The following GABRB1 variants were observed in gnomAD, a reference collection of about 807,000 sequenced individuals.
GABRB1 encodes gamma-aminobutyric acid receptor subunit beta-1.
Under a neutral mutation model 51.6 loss-of-function variants are expected in GABRB1, and 17 were observed. The ratio of observed to expected loss-of-function variants is 0.33; its 90% CI spans 0.23 to 0.49. The LOEUF (loss-of-function observed/expected upper bound fraction) is 0.49, where lower values mean the gene tolerates loss of function less well. Ranked by LOEUF, GABRB1 falls within the 20% of genes least tolerant of loss-of-function variation. The pLI, the probability that GABRB1 is intolerant of heterozygous loss-of-function variation, is 0.99. For missense variants in GABRB1, 410 were observed against 600.6 expected (o/e 0.68, Z 3.32); for synonymous variants, 247 against 218.9 (o/e 1.13, Z -1.14).
chr4:47,067,101 T>C (rs780002316), intron 3 of GABRB1, among the ~76,000 whole-genome samples: 1 of 152,228 alleles, frequency 6.6e-6, no homozygotes, highest in Non-Finnish European at 1.5e-5. Flanking sequence ...AGGTACATTG[T>C]TAATGAACAG....
At chr4:47,020,067 T>C (rs1724886011) in intron 1 of GABRB1, among the ~76,000 whole-genome samples, 3 of 152,040 alleles carry the variant, frequency 2.0e-5, no homozygotes, top group Admixed American at 6.6e-5. Flanking sequence ...ATTACAGGCA[T>C]GAGCCACTGT....
intron 4 of GABRB1, among the ~76,000 whole-genome samples, chr4:47,308,654 A>C (rs1223650559): frequency 6.6e-6 from 1 of 152,112 alleles, no homozygotes; most frequent in Non-Finnish European, 1.5e-5. Context: ...AAAGCAATAG[A>C]ATTGGTTTGC....
chr4:47,153,400 A>G (rs1717549946), intron 3 of GABRB1, among the ~76,000 whole-genome samples: 1 of 152,088 alleles, frequency 6.6e-6, no homozygotes, highest in South Asian at 2.1e-4. Context: ...CTTGAATGTA[A>G]GCCATTTAGG....
chr4:47,311,173 C>G (rs572314802), intron 4 of GABRB1, among the ~76,000 whole-genome samples: 1 of 151,408 alleles, frequency 6.6e-6, no homozygotes, highest in African/African-American at 2.4e-5. Context: ...GCGGGTGGAT[C>G]ATTTGAGGTC....
At chr4:47,122,088 C>T (rs1490526426) in intron 3 of GABRB1, among the ~76,000 whole-genome samples, 2 of 152,124 alleles carry the variant, frequency 1.3e-5, no homozygotes, top group African/African-American at 2.4e-5. Flanking sequence ...TAGAGCAGAG[C>T]TTCTGGGAAA....
At chr4:47,034,496 A>G (rs1276594909) in intron 3 of GABRB1, among the ~76,000 whole-genome samples, 1 of 152,200 alleles carries the variant, frequency 6.6e-6, no homozygotes, top group Non-Finnish European at 1.5e-5. Context: ...CACCCAGCTG[A>G]TAAGCCTTTG....
At chr4:47,243,678 GCTCT>G (rs1207034875) in intron 4 of GABRB1, among the ~76,000 whole-genome samples, 2 of 151,988 alleles carry the variant, frequency 1.3e-5, no homozygotes, top group East Asian at 1.9e-4. Context: ...TCATGATTTG[GCTCT>G]CTATCTGTTA....
At chr4:47,201,906 A>G (rs1442490328) in intron 4 of GABRB1, among the ~76,000 whole-genome samples, 3 of 152,098 alleles carry the variant, frequency 2.0e-5, no homozygotes, top group Non-Finnish European at 4.4e-5. Flanking sequence ...AAATTAATTG[A>G]TATAAAAAAG....
Position 47,362,090 on chromosome 4 carries a change from G to A in GABRB1, c.545-41228G>A, listed in dbSNP as rs565905181. ...CAAAGAATTGTGACAAGGAGCTTCC[G>A]TATAAATAGCAGGATGACTAGGAGA... On this transcript the variant is annotated intron_variant, in intron 5 of 8. Transcript: ENST00000295454. 1.4e-4 allele frequency among the ~76,000 whole-genome samples: 22 copies of A among 152,240 alleles called. No individual in the cohort carries two copies. The South Asian group carries it at 1.9e-3, about 13-fold the overall frequency.
chr4:47,408,865 C>T (rs1036048314), intron 8 of GABRB1, among the ~76,000 whole-genome samples: 2 of 152,042 alleles, frequency 1.3e-5, no homozygotes, highest in African/African-American at 4.8e-5. Context: ...GAAAACCCTA[C>T]CCAAAAAAGG....
chr4:47,307,653 C>T (rs975780775), intron 4 of GABRB1, among the ~76,000 whole-genome samples: 31 of 152,090 alleles, frequency 2.0e-4, no homozygotes, highest in African/African-American at 7.2e-4. Context: ...ATCTAAGTAA[C>T]TGAATAAGAC....
intron 3 of GABRB1, among the ~76,000 whole-genome samples, chr4:47,158,959 A>C (rs1021060092): frequency 6.6e-6 from 1 of 152,030 alleles, no homozygotes; most frequent in Non-Finnish European, 1.5e-5. Flanking sequence ...ACAAAAAACC[A>C]GTAAAATGCT....
intron 5 of GABRB1, among the ~76,000 whole-genome samples, chr4:47,333,719 A>AC (rs971241280): frequency 4.0e-5 from 6 of 151,772 alleles, no homozygotes; most frequent in Non-Finnish European, 4.4e-5. Flanking sequence ...TCATCACCCC[A>AC]CCCCCCCAAA....
At chr4:47,331,304 A>G (rs1725471313) in intron 5 of GABRB1, among the ~76,000 whole-genome samples, 1 of 152,150 alleles carries the variant, frequency 6.6e-6, no homozygotes, top group African/African-American at 2.4e-5. Context: ...TGAAACTGTG[A>G]AAAAGTACTC....
chr4:47,202,689 G>A (rs1022190761), intron 4 of GABRB1, among the ~76,000 whole-genome samples: 3 of 152,088 alleles, frequency 2.0e-5, no homozygotes, highest in Admixed American at 6.6e-5. Context: ...CCTTTGTGGG[G>A]CAAACACTTA....
intron 4 of GABRB1, among the ~76,000 whole-genome samples, chr4:47,319,304 A>G (rs1359947100): frequency 6.6e-6 from 1 of 152,106 alleles, no homozygotes; most frequent in Non-Finnish European, 1.5e-5. Context: ...ATTTACTTGT[A>G]TATATATGCA....
intron 8 of GABRB1, among the ~76,000 whole-genome samples, chr4:47,421,066 TA>T (rs1729078515): frequency 6.6e-6 from 1 of 152,054 alleles, no homozygotes; most frequent in Non-Finnish European, 1.5e-5. Flanking sequence ...ATAGCTACTT[TA>T]AAAATTTCCC....
chr4:47,304,307 T>G (rs1332170886), intron 4 of GABRB1, among the ~76,000 whole-genome samples: 2 of 152,060 alleles, frequency 1.3e-5, no homozygotes, highest in Non-Finnish European at 2.9e-5. Flanking sequence ...ACATTTATCT[T>G]TCATCTTTTT....
At chr4:47,398,386 T>C (rs1421843232) in intron 5 of GABRB1, among the ~76,000 whole-genome samples, 2 of 152,198 alleles carry the variant, frequency 1.3e-5, no homozygotes, top group African/African-American at 4.8e-5. Flanking sequence ...TTGTCCAATG[T>C]CTTGGTTAGT....
Sources: allele counts gnomAD v4.1 joint callset (sites outside exome capture counted in the v4.1 genomes callset), GRCh38; gene constraint gnomAD v4.1.1; transcripts MANE v1.5; gene names NCBI Gene and HGNC (gene_info 2026-07-23, HGNC 2026-07-21).